The following NTM variants were observed in gnomAD, a reference collection of about 807,000 sequenced individuals.
NTM encodes the protein neurotrimin, also known as IgLON family member 2.
Under a neutral mutation model 42.1 loss-of-function variants are expected in NTM, and 13 were observed. That is an observed-to-expected ratio of 0.31 (90% CI 0.20 to 0.49). The LOEUF is 0.49. NTM is among the 20% of genes least tolerant of loss of function. The pLI is 0.99. For synonymous variants in NTM, 187 were observed against 179.2 expected, an observed-to-expected ratio of 1.04 and a Z score of -0.35; for missense variants, 373 against 452.8, an observed-to-expected ratio of 0.82 and a Z score of 1.60.
At chr11:131,410,809 A>G (rs948196798) in intron 1 of NTM, among the ~76,000 whole-genome samples, 1 of 152,178 alleles carries the variant, frequency 6.6e-6, no homozygotes. Flanking sequence ...GGAACGCTAA[A>G]CATGTGGGAG....
At position 131,699,922 on chromosome 11, in the gene NTM, GT is replaced by G. The variant is rs1565442628; in HGVS notation, c.83-211641del. 1.0e-3 allele frequency among the ~76,000 whole-genome samples: 102 copies of G among 97,306 alleles called. 1 individual carries two copies. The highest frequency in any genetic ancestry group is 3.4e-3 in the African/African-American group (84 of 24,680). The allele number at this position is 97,306 out of a possible 152,430, so 63.8% of individuals were successfully genotyped here. On this transcript the variant is annotated intron_variant, in intron 1 of 8. Coordinates refer to ENST00000683400, the MANE Select transcript of NTM (RefSeq NM_001352005.2). Reference sequence around the variant, plus strand: ...GCCAAAGCAGCAGGTGTGTGTGTGTGTGTGTGTGTGTGTGTGTGTGTGTGTG... The same window carrying G: ...GCCAAAGCAGCAGGTGTGTGTGTGTGGTGTGTGTGTGTGTGTGTGTGTGTG...
chr11:132,291,651 C>A (rs746224101), intron 4 of NTM, among the ~76,000 whole-genome samples: 1 of 152,130 alleles, frequency 6.6e-6, no homozygotes, highest in Non-Finnish European at 1.5e-5. Context: ...TAGAACCTAG[C>A]CCTGAGGAGA....
chr11:132,198,304 A>G (rs1310800112), intron 3 of NTM, among the ~76,000 whole-genome samples: 1 of 151,996 alleles, frequency 6.6e-6, no homozygotes, highest in Non-Finnish European at 1.5e-5. Flanking sequence ...TTCCTGAGCT[A>G]AAGTGATCCA....
rs374898394 is a variant in NTM, at chr11:131,789,636, AAAGAAGAAGAAG to A, written c.83-121907_83-121896del. On this transcript the variant is annotated intron_variant, in intron 1 of 8. Transcript: ENST00000683400. ...AAGAAGAAGAAGAAGAAGAAGAAGA[AAAGAAGAAGAAG>A]AAGAAGAAGAAGAAGAAGAAAGCAT... Among the ~76,000 whole-genome samples, 96 of 30,896 alleles carry A rather than the reference AAAGAAGAAGAAG, an allele frequency of 3.1e-3. 1 individual carries two copies. The highest frequency in any genetic ancestry group is 0.013 in the Admixed American group (48 of 3,758). The allele number at this position is 30,896 out of a possible 152,430, so 20.3% of individuals were successfully genotyped here.
intron 1 of NTM, among the ~76,000 whole-genome samples, chr11:131,732,368 C>T (rs556868535): frequency 8.2e-4 from 125 of 152,302 alleles, no homozygotes; most frequent in African/African-American, 2.9e-3. Flanking sequence ...CTTTTTACCA[C>T]TGGGTGGGAA....
At chr11:131,518,946 T>C (rs1365514181) in intron 1 of NTM, among the ~76,000 whole-genome samples, 1 of 152,232 alleles carries the variant, frequency 6.6e-6, no homozygotes, top group Non-Finnish European at 1.5e-5. Context: ...ATCCCACAAA[T>C]GTCCTGTATT....
At chr11:131,884,280 A>G (rs1241605964) in intron 1 of NTM, among the ~76,000 whole-genome samples, 2 of 152,084 alleles carry the variant, frequency 1.3e-5, no homozygotes, top group Non-Finnish European at 2.9e-5. Flanking sequence ...ATGGTGGTGC[A>G]TGCCTGTAAT....
intron 3 of NTM, among the ~76,000 whole-genome samples, chr11:132,171,903 T>C (rs1372722650): frequency 2.0e-5 from 3 of 152,200 alleles, no homozygotes. Context: ...TTATTCATGC[T>C]TCTTTCTGCA....
intron 1 of NTM, among the ~76,000 whole-genome samples, chr11:131,867,952 G>A (rs1338330195): frequency 6.6e-6 from 1 of 152,084 alleles, no homozygotes; most frequent in African/African-American, 2.4e-5. Context: ...ACCATGTTGA[G>A]TGGAAGAGCT....
At chr11:131,846,148 C>T (rs2044878022) in intron 1 of NTM, among the ~76,000 whole-genome samples, 1 of 152,136 alleles carries the variant, frequency 6.6e-6, no homozygotes, top group Non-Finnish European at 1.5e-5. Context: ...TTCAAATTTA[C>T]TAGCAAGCGT....
intron 1 of NTM, among the ~76,000 whole-genome samples, chr11:131,403,248 C>G (rs138614278): frequency 1.2e-3 from 184 of 152,306 alleles, no homozygotes; most frequent in African/African-American, 4.4e-3. Context: ...AGCAATGGCT[C>G]AAGTCCACCT....
At chr11:132,217,641 G>A (rs3133894) in intron 4 of NTM, among the ~76,000 whole-genome samples, 55,499 of 151,622 alleles carry the variant, frequency 0.37, 10,668 homozygotes, top group Middle Eastern at 0.54. Flanking sequence ...GTACATCTGC[G>A]TGGCCTACTC....
At chr11:131,942,892 G>A (rs1320155689) in intron 2 of NTM, among the ~76,000 whole-genome samples, 1 of 151,588 alleles carries the variant, frequency 6.6e-6, no homozygotes, top group Non-Finnish European at 1.5e-5. Context: ...GTTGTGGTGG[G>A]CCGAGATCTG....
chr11:132,010,122 G>C (rs1167145529), intron 2 of NTM, among the ~76,000 whole-genome samples: 1 of 152,130 alleles, frequency 6.6e-6, no homozygotes, highest in Admixed American at 6.5e-5. Flanking sequence ...CCTCACCACG[G>C]CTGTTCATGT....
At chr11:132,145,531 A>G (rs901345777) in intron 2 of NTM, among the ~76,000 whole-genome samples, 1 of 152,214 alleles carries the variant, frequency 6.6e-6, no homozygotes, top group Non-Finnish European at 1.5e-5. Flanking sequence ...AGAAAAGAGA[A>G]GGGAGATTCC....
intron 3 of NTM, among the ~76,000 whole-genome samples, chr11:132,184,632 G>A (rs2078112068): frequency 6.6e-6 from 1 of 152,130 alleles, no homozygotes; most frequent in Non-Finnish European, 1.5e-5. Context: ...CAATGGTTCA[G>A]ACCTGGAAGG....
intron 1 of NTM, among the ~76,000 whole-genome samples, chr11:131,712,525 G>T (rs992052909): frequency 6.6e-6 from 1 of 152,014 alleles, no homozygotes; most frequent in Admixed American, 6.5e-5. Flanking sequence ...GATAATAGAT[G>T]GCTTAGGTTT....
intron 1 of NTM, among the ~76,000 whole-genome samples, chr11:131,425,627 T>C (rs1948055301): frequency 6.6e-6 from 1 of 152,136 alleles, no homozygotes; most frequent in Admixed American, 6.5e-5. Flanking sequence ...ATAGTGTCAG[T>C]AGTGCCTTTG....
chr11:131,981,803 G>T (rs543196239), intron 2 of NTM, among the ~76,000 whole-genome samples: 1 of 152,230 alleles, frequency 6.6e-6, no homozygotes, highest in East Asian at 1.9e-4. Flanking sequence ...CTGAGGTCAG[G>T]AGTTCAAGAC....
Sources: allele counts gnomAD v4.1 joint callset (sites outside exome capture counted in the v4.1 genomes callset), GRCh38; gene constraint gnomAD v4.1.1; transcripts MANE v1.5; gene names NCBI Gene and HGNC (gene_info 2026-07-23, HGNC 2026-07-21).